BCO2: variants seen among roughly 807,000 people sequenced by gnomAD.
BCO2 encodes carotenoid-cleaving dioxygenase, mitochondrial.
In BCO2, 56 loss-of-function variants were observed where a neutral mutation model predicts 65.8. The ratio of observed to expected loss-of-function variants is 0.85; its 90% CI spans 0.69 to 1.06. BCO2 has a LOEUF of 1.06. Ranked by LOEUF, BCO2 falls within the 50% of genes least tolerant of loss-of-function variation. The pLI is 0.00. For missense variants in BCO2, 675 were observed against 698.5 expected (o/e 0.97, Z 0.38); for synonymous variants, 233 against 242.3 (o/e 0.96, Z 0.36).
At chr11:112,212,998 G>C (rs558007620) in intron 8 of BCO2, among the ~76,000 whole-genome samples, 3 of 152,172 alleles carry the variant, frequency 2.0e-5, no homozygotes, top group East Asian at 1.9e-4. Context: ...AGCAACCCAG[G>C]CTTACTAAGT....
chr11:112,194,036 CATTTCTTTCCATTTG>C, intron 4 of BCO2, 42 bp downstream of exon 4: 1 of 1,060,584 alleles, frequency 9.4e-7, no homozygotes, highest in Non-Finnish European at 1.5e-6. Context: ...TAGATCCTAA[CATTTCTTTCCATTTG>C]AAATACTTTT....
intron 2 of BCO2, among the ~76,000 whole-genome samples, chr11:112,190,152 G>T (rs985383833): frequency 7.9e-5 from 12 of 151,966 alleles, no homozygotes; most frequent in African/African-American, 2.7e-4. Context: ...CAAGTGTGGG[G>T]GCGTGTCCCT....
chr11:112,184,455 G>A (rs368342007), intron 2 of BCO2, among the ~76,000 whole-genome samples: 17 of 152,010 alleles, frequency 1.1e-4, no homozygotes, highest in South Asian at 8.3e-4. Context: ...GGGTTTCACC[G>A]TGTTAGCCAG....
chr11:112,213,681 C>A, intron 8 of BCO2, 43 bp from the exon 9 acceptor site: 1 of 1,587,288 alleles, frequency 6.3e-7, no homozygotes, highest in Non-Finnish European at 8.6e-7. Flanking sequence ...CATACTGTTA[C>A]CATATGAATG....
At chr11:112,216,354 G>A (rs745390002) in intron 11 of BCO2, 24 bp downstream of exon 11, 2 of 1,563,786 alleles carry the variant, frequency 1.3e-6, no homozygotes, top group South Asian at 1.1e-5. Flanking sequence ...CCTATCACCA[G>A]TCAGAAAGAA....
intron 2 of BCO2, among the ~76,000 whole-genome samples, chr11:112,192,679 T>TTC (rs1262447993): frequency 2.1e-5 from 3 of 141,106 alleles, no homozygotes; most frequent in Non-Finnish European, 4.7e-5. Flanking sequence ...CTTTCTTTCT[T>TTC]TTTTTTTTTT....
chr11:112,215,547 A>C (rs1331068048), intron 10 of BCO2: 1 of 153,776 alleles, frequency 6.5e-6, no homozygotes, highest in Non-Finnish European at 1.4e-5. Flanking sequence ...TGTCTCTACT[A>C]AAAATACAAA....
chr11:112,214,443 C>G (rs1859599067), intron 9 of BCO2, among the ~76,000 whole-genome samples: 2 of 152,206 alleles, frequency 1.3e-5, no homozygotes, highest in South Asian at 4.2e-4. Flanking sequence ...GCCACCGCGT[C>G]CAGCTGCAAT....
chr11:112,199,492 T>TG (rs34724785), intron 5 of BCO2, among the ~76,000 whole-genome samples: 144,612 of 152,272 alleles, frequency 0.95, 68,882 homozygotes, highest in East Asian at 1. Context: ...ACTTTGGATG[T>TG]CTGTTTCAAA....
At chr11:112,181,233 G>C (rs1357655410) in intron 2 of BCO2, 8 of 666,532 alleles carry the variant, frequency 1.2e-5, no homozygotes, top group Non-Finnish European at 1.8e-5. Flanking sequence ...CCAGGCTGGA[G>C]TGCAGTGGCG....
chr11:112,214,823 T>G lies in BCO2; in HGVS notation c.1394T>G (p.Phe465Cys), dbSNP rs547198079. 3.2e-5 allele frequency: 51 copies of G among 1,613,978 alleles called. No homozygotes were observed. In the East Asian group the frequency reaches 1.1e-3, roughly 36 times the overall value. Reference protein sequence around the residue: ...EDLEKEGGIEFPQIYYDRFSG... With the variant: ...EDLEKEGGIECPQIYYDRFSG... ...CTAGAAAAGGAAGGAGGCATTGAAT[T>G]TCCTCAGATCTACTATGATCGATTC... The change falls in exon 10 of 12, where the codon TTT becomes TGT. Residue 465 changes from phenylalanine (F) to cysteine (C), a missense_variant. Transcript: ENST00000357685.
At chr11:112,198,332 T>C (rs778857236) in intron 5 of BCO2, among the ~76,000 whole-genome samples, 35 of 151,774 alleles carry the variant, frequency 2.3e-4, no homozygotes, top group Non-Finnish European at 4.1e-4. Flanking sequence ...CTAAAAAAAA[T>C]GAAGAAGAAG....
At chr11:112,181,522 A>C (rs1432197967) in intron 2 of BCO2, 3 of 735,698 alleles carry the variant, frequency 4.1e-6, no homozygotes, top group Non-Finnish European at 7.7e-6. Context: ...CTTTGAACCC[A>C]TTTTGAACTA....
intron 1 of BCO2, 89 bp from the exon 2 acceptor site, chr11:112,179,189 A>G (rs1866960942): frequency 3.3e-6 from 4 of 1,228,516 alleles, no homozygotes; most frequent in Non-Finnish European, 1.2e-6. Flanking sequence ...TCAAGCTGCC[A>G]GTTGATAAGA....
rs1395762351 is a variant in BCO2 at position 112,202,334 on chromosome 11, G to A, written c.1194+144G>A. Reference sequence around the variant, plus strand: ...GTCTTGCTGTGTCACCCAGGCTGGAGTGCAATGGTGCGATCTCGGCTCACT... The same window carrying A: ...GTCTTGCTGTGTCACCCAGGCTGGAATGCAATGGTGCGATCTCGGCTCACT... On this transcript the variant is annotated intron_variant, in intron 8 of 11. Transcript: ENST00000357685. The A allele has an allele frequency of 5.4e-6, 4 of 735,376 alleles. No homozygotes were observed. In the African/African-American group the frequency reaches 5.5e-5, roughly 10 times the overall value. The allele number at this position is 735,376 out of a possible 1,614,324, so 45.6% of individuals were successfully genotyped here.
chr11:112,179,056 C>A (rs1313596068), intron 1 of BCO2, among the ~76,000 whole-genome samples: 3 of 152,122 alleles, frequency 2.0e-5, no homozygotes, highest in Non-Finnish European at 2.9e-5. Flanking sequence ...CAGATTAGTA[C>A]TACAAAAAAT....
chr11:112,181,637 A>G, intron 2 of BCO2: 1 of 813,360 alleles, frequency 1.2e-6, no homozygotes. Context: ...TAAAAGTGGC[A>G]ATAAAGAATT....
At chr11:112,203,407 CT>C (rs1313333858) in intron 8 of BCO2, among the ~76,000 whole-genome samples, 12 of 151,986 alleles carry the variant, frequency 7.9e-5, no homozygotes, top group Non-Finnish European at 1.3e-4. Flanking sequence ...TTTTCATGGC[CT>C]TTTGCATGTC....
intron 10 of BCO2, 63 bp downstream of exon 10, chr11:112,215,007 T>C (rs536593366): frequency 6.6e-7 from 1 of 1,504,394 alleles, no homozygotes; most frequent in East Asian, 2.3e-5. Context: ...TGAATTAGTT[T>C]GTTTTATTTA....
Sources: allele counts gnomAD v4.1 joint callset (sites outside exome capture counted in the v4.1 genomes callset), GRCh38; gene constraint gnomAD v4.1.1; transcripts MANE v1.5; gene names NCBI Gene and HGNC (gene_info 2026-07-23, HGNC 2026-07-21).